Variants in POLA1 observed in about 807,000 individuals in gnomAD.
POLA1 encodes DNA polymerase alpha catalytic subunit.
In POLA1, 15 loss-of-function variants were observed where a neutral mutation model predicts 124.0. The observed-to-expected ratio is 0.12, with a 90% CI of 0.08 to 0.19. POLA1 has a LOEUF of 0.19. Ranked by LOEUF, POLA1 falls within the 10% of genes least tolerant of loss-of-function variation. The probability of loss-of-function intolerance (pLI) is 1.00; values close to 1 mark genes in which losing one functional copy is unlikely to be tolerated. For missense variants in POLA1, 886 were observed against 1,103.4 expected (o/e 0.80, Z 2.79); for synonymous variants, 408 against 389.4 (o/e 1.05, Z -0.56).
chrX:24,989,984 A>C, intron 36 of POLA1, among the ~76,000 whole-genome samples: 1 of 112,046 alleles, frequency 8.9e-6, no homozygotes, highest in Non-Finnish European at 1.9e-5. Flanking sequence ...GTTAAGGCGT[A>C]CAATACTCTT....
rs1205219554 is a variant in POLA1, at chrX:24,786,681, ATTTTTT to A, written c.2965-23195_2965-23190del. Among the ~76,000 whole-genome samples, 15 of 63,153 alleles carry A rather than the reference ATTTTTT, an allele frequency of 2.4e-4. No homozygotes were observed. In the East Asian group the frequency reaches 4.0e-3, roughly 17 times the overall value. The allele number at this position is 63,153 out of a possible 115,157, so 54.8% of individuals were successfully genotyped here. ...GCATCATCATCATCAGGCTTGGCTA[ATTTTTT>A]TTTTTTTTTTTTTTTTTTTTTGAGA... On this transcript the variant is annotated intron_variant, in intron 26 of 36. Transcript: ENST00000379068.
At chrX:24,810,861 G>C (rs1241301642) in intron 28 of POLA1, 61 bp downstream of exon 28, 24 of 567,940 alleles carry the variant, frequency 4.2e-5, no homozygotes, top group Non-Finnish European at 6.9e-5. Context: ...TTTCTAACAT[G>C]GAACACTATA....
intron 4 of POLA1, among the ~76,000 whole-genome samples, 186 bp from the exon 5 acceptor site, chrX:24,714,368 G>A (rs1929678087): frequency 8.9e-6 from 1 of 112,148 alleles, no homozygotes; most frequent in Admixed American, 9.4e-5. Context: ...GTGTTAGCCA[G>A]GATGGTCTCG....
chrX:24,700,666 G>A (rs1030295680), intron 2 of POLA1, among the ~76,000 whole-genome samples: 25 of 111,130 alleles, frequency 2.2e-4, no homozygotes, highest in African/African-American at 7.5e-4. Context: ...CCACCACCAC[G>A]CCTGGCTAAT....
At chrX:24,716,817 AG>A (rs1283139319) in intron 7 of POLA1, 66 bp from the exon 8 acceptor site, 1 of 575,153 alleles carries the variant, frequency 1.7e-6, no homozygotes, top group East Asian at 3.5e-5. Context: ...ATCTTTGGTC[AG>A]GGTAGGACAG....
chrX:24,826,473 A>C lies in POLA1; in HGVS notation c.3608A>C (p.Gln1203Pro). The change falls in exon 32 of 37, where the codon CAG becomes CCG. Residue 1203 changes from glutamine (Q) to proline (P), a missense_variant. Transcript: ENST00000379068. ...AGTCAGAGGGCCTATGCGCCTGAGC[A>C]GCTGCAGAAACAGGATAATCTAACC... ...TASQRAYAPE[Q>P]LQKQDNLTID... The C allele has an allele frequency of 8.3e-7, 1 of 1,207,033 alleles. No homozygotes were observed. Among genetic ancestry groups the C allele is most frequent in the Non-Finnish European group, 1.1e-6 (1 of 891,827 alleles).
intron 34 of POLA1, among the ~76,000 whole-genome samples, chrX:24,846,682 C>G (rs2046481845): frequency 1.8e-5 from 2 of 111,888 alleles, no homozygotes; most frequent in Admixed American, 1.9e-4. Flanking sequence ...GAGAGAAACA[C>G]TAGCTAATCT....
At chrX:24,768,790 G>A (rs2044965681) in intron 26 of POLA1, among the ~76,000 whole-genome samples, 1 of 111,908 alleles carries the variant, frequency 8.9e-6, no homozygotes, top group South Asian at 3.7e-4. Context: ...GATTCTGCAC[G>A]GTGAATATTA....
At chrX:24,742,166 C>A (rs375500727) in intron 22 of POLA1, 45 bp downstream of exon 22, 53 of 876,944 alleles carry the variant, frequency 6.0e-5, no homozygotes, top group Non-Finnish European at 7.5e-5. Flanking sequence ...TTAACCCCCC[C>A]CCCCCTTTTA....
chrX:24,717,226 T>C (rs779649503), intron 8 of POLA1, 64 bp from the exon 9 acceptor site: 28 of 930,227 alleles, frequency 3.0e-5, no homozygotes, highest in South Asian at 4.1e-5. Flanking sequence ...CGCCTTTGTG[T>C]GCCTTTGTGT....
At chrX:24,974,722 A>G (rs1838799677) in intron 36 of POLA1, among the ~76,000 whole-genome samples, 1 of 111,533 alleles carries the variant, frequency 9.0e-6, no homozygotes, top group Admixed American at 9.5e-5. Flanking sequence ...TAAAACCTAG[A>G]TGATGGGTTG....
At chrX:24,866,696 A>C (rs1184716331) in intron 34 of POLA1, among the ~76,000 whole-genome samples, 1 of 112,008 alleles carries the variant, frequency 8.9e-6, no homozygotes, top group Non-Finnish European at 1.9e-5. Flanking sequence ...CATGCTTTGA[A>C]TTTTTAAAAA....
chrX:24,716,504 A>G (rs1929853131), intron 7 of POLA1, 50 bp downstream of exon 7: 1 of 712,311 alleles, frequency 1.4e-6, no homozygotes. Context: ...ATTGCTTTAA[A>G]CTTATTTTGT....
intron 3 of POLA1, 112 bp downstream of exon 3, chrX:24,703,459 A>T (rs1317376419): frequency 7.7e-6 from 4 of 520,873 alleles, no homozygotes; most frequent in Admixed American, 3.4e-5. Context: ...GGGCAAATGT[A>T]AGGCACTGTT....
intron 26 of POLA1, among the ~76,000 whole-genome samples, chrX:24,786,449 G>T (rs1344418641): frequency 1.8e-5 from 2 of 111,220 alleles, no homozygotes; most frequent in Non-Finnish European, 3.8e-5. Context: ...CCGTTTCTGT[G>T]TCTTCTTTGG....
In POLA1 at chrX:24,733,825, C is replaced by A. The variant is rs1380661447; in HGVS notation, c.1833+9C>A. ...AAGTCATTGAGAAAAAGGTAAAGTG[C>A]TCATTATATGAAGCACCTGTTTGTT... On this transcript the variant is annotated intron_variant, in intron 17 of 36. Transcript: ENST00000379068. 4.0e-6 allele frequency: 4 copies of A among 1,010,805 alleles called. No individual in the cohort carries two copies. In the African/African-American group the frequency reaches 5.7e-5, roughly 14 times the overall value. The allele number at this position is 1,010,805 out of a possible 1,213,427, so 83.3% of individuals were successfully genotyped here. A position where few individuals can be genotyped will look rare whatever the true frequency, so the allele number is the denominator to read the frequency against.
intron 35 of POLA1, among the ~76,000 whole-genome samples, chrX:24,901,909 GA>G (rs1470177295): frequency 1.8e-5 from 2 of 111,316 alleles, no homozygotes; most frequent in East Asian, 2.8e-4. Flanking sequence ...GACTTTAGGG[GA>G]AAAAAATGAG....
chrX:24,947,357 C>T (rs1210836157), intron 36 of POLA1, among the ~76,000 whole-genome samples: 1 of 98,453 alleles, frequency 1.0e-5, no homozygotes, highest in African/African-American at 3.7e-5. Context: ...AGCCTTGACT[C>T]CCCAGGTTCA....
At chrX:24,755,155 A>G (rs1007376934) in intron 26 of POLA1, among the ~76,000 whole-genome samples, 2 of 112,511 alleles carry the variant, frequency 1.8e-5, no homozygotes, top group East Asian at 5.6e-4. Context: ...TTAAAAATCA[A>G]GTAGCTAAAT....
Sources: gnomAD v4.1 joint callset for allele counts (sites outside exome capture counted in the v4.1 genomes callset) on GRCh38, gnomAD v4.1.1 for gene constraint, MANE v1.5 for transcripts, NCBI Gene and HGNC (gene_info 2026-07-23, HGNC 2026-07-21) for gene names.